RGS9: variants seen among roughly 807,000 people sequenced by gnomAD.
The protein encoded by RGS9 is regulator of G protein signaling 9.
RGS9 carries 78 observed loss-of-function variants against 102.0 expected under a neutral mutation model. The ratio of observed to expected loss-of-function variants is 0.76; its 90% CI spans 0.64 to 0.92. RGS9 has a LOEUF of 0.92. RGS9 is among the 40% of genes least tolerant of loss of function. The probability of loss-of-function intolerance (pLI) is 0.00; values close to 1 mark genes in which losing one functional copy is unlikely to be tolerated. For synonymous variants in RGS9, 353 were observed against 318.6 expected, an observed-to-expected ratio of 1.11 and a Z score of -1.15; for missense variants, 833 against 866.1, an observed-to-expected ratio of 0.96 and a Z score of 0.48.
At chr17:65,151,324 G>A (rs920654040) in intron 1 of RGS9, among the ~76,000 whole-genome samples, 39 of 145,850 alleles carry the variant, frequency 2.7e-4, no homozygotes, top group African/African-American at 9.2e-4. Flanking sequence ...CAGCCTGGGC[G>A]ACAGAGGAAG....
At chr17:65,168,136 G>C (rs770583606) in intron 7 of RGS9, 64 bp from the exon 8 acceptor site, 14 of 1,064,286 alleles carry the variant, frequency 1.3e-5, no homozygotes, top group Admixed American at 1.9e-5. Context: ...TCAGGAATGA[G>C]GGGCATCACT....
At chr17:65,215,478 ATCTTTCTTTCGTTCTTTCGTTCTTTCTT>A (rs1243058354) in intron 17 of RGS9, among the ~76,000 whole-genome samples, 20 of 114,936 alleles carry the variant, frequency 1.7e-4, no homozygotes, top group South Asian at 5.4e-4. Context: ...TTCTTTCTCT[ATCTTTCTTTCGTTCTTTCGTTCTTTCTT>A]TCTTTCTTTC....
chr17:65,153,904 A>C (rs923118582), intron 2 of RGS9, among the ~76,000 whole-genome samples: 4 of 151,654 alleles, frequency 2.6e-5, no homozygotes, highest in Non-Finnish European at 4.4e-5. Flanking sequence ...AAAACAAAAC[A>C]AAACAAAACA....
chr17:65,203,239 C>T (rs1912924523), intron 14 of RGS9, among the ~76,000 whole-genome samples: 2 of 152,152 alleles, frequency 1.3e-5, no homozygotes, highest in African/African-American at 4.8e-5. Flanking sequence ...CCCAGCTCCT[C>T]CCACAGGGAG....
chr17:65,214,756 T>C (rs1913424417), intron 17 of RGS9, among the ~76,000 whole-genome samples: 1 of 152,164 alleles, frequency 6.6e-6, no homozygotes, highest in Non-Finnish European at 1.5e-5. Flanking sequence ...ACAGCTTGCA[T>C]AACCATTTGG....
chr17:65,177,544 G>A (rs1299842360), intron 8 of RGS9, among the ~76,000 whole-genome samples, 188 bp from the exon 9 acceptor site: 1 of 152,152 alleles, frequency 6.6e-6, no homozygotes, highest in South Asian at 2.1e-4. Flanking sequence ...ATACTGGGAG[G>A]CATAACAGCC....
intron 17 of RGS9, 95 bp downstream of exon 17, chr17:65,210,700 G>A: frequency 6.3e-7 from 1 of 1,578,228 alleles, no homozygotes; most frequent in African/African-American, 1.3e-5. Flanking sequence ...GCACTTGGGA[G>A]AGGCAAATGA....
At chr17:65,158,670 T>C in intron 3 of RGS9, 1 of 444,400 alleles carries the variant, frequency 2.3e-6, no homozygotes, top group Non-Finnish European at 4.2e-6. Flanking sequence ...GCTCTGAGGG[T>C]CTTCCTATAA....
rs1912263553 is a variant in RGS9, at chr17:65,189,304, G to A, written c.673G>A (p.Val225Ile). ...KVNQKQTVVA[V>I]KKEIMYYQQA... Reference sequence around the variant, plus strand: ...CTTACAGAAACAAACAGTCGTTGCTGTCAAAAAAGAGGTAATTAGTCTTAC... The same window carrying A: ...CTTACAGAAACAAACAGTCGTTGCTATCAAAAAAGAGGTAATTAGTCTTAC... The change falls in exon 10 of 19, where the codon GTC becomes ATC. Residue 225 changes from valine to isoleucine, a missense_variant. Val to Ile is a conservative substitution (Grantham distance 29, BLOSUM62 3). Coordinates refer to ENST00000262406, the MANE Select transcript of RGS9 (RefSeq NM_003835.4). 6.2e-7 allele frequency: 1 copy of A among 1,611,794 alleles called. No homozygotes were observed. Among genetic ancestry groups the A allele is most frequent in the African/African-American group, 1.3e-5 (1 of 75,000 alleles).
At chr17:65,206,327 G>A (rs1426117107) in intron 15 of RGS9, among the ~76,000 whole-genome samples, 1 of 152,172 alleles carries the variant, frequency 6.6e-6, no homozygotes, top group African/African-American at 2.4e-5. Flanking sequence ...ACGATTCACA[G>A]CAGGGTTTCT....
chr17:65,158,452 A>G (rs1910858651), intron 3 of RGS9, 107 bp downstream of exon 3: 3 of 1,065,556 alleles, frequency 2.8e-6, no homozygotes, highest in South Asian at 1.2e-5. Context: ...TTACATTTTA[A>G]TTGGACAGAC....
chr17:65,160,510 C>G, intron 4 of RGS9, 26 bp from the exon 5 acceptor site: 1 of 1,613,964 alleles, frequency 6.2e-7, no homozygotes, highest in Non-Finnish European at 8.5e-7. Context: ...AGTTTTAAAG[C>G]GTGGTTTCCC....
At chr17:65,158,370 T>A in intron 3 of RGS9, 25 bp downstream of exon 3, 1 of 1,609,388 alleles carries the variant, frequency 6.2e-7, no homozygotes. Context: ...GGCACTCAGT[T>A]ATCCGGGACA....
At chr17:65,214,555 G>A (rs984339625) in intron 17 of RGS9, among the ~76,000 whole-genome samples, 1 of 152,230 alleles carries the variant, frequency 6.6e-6, no homozygotes, top group Non-Finnish European at 1.5e-5. Context: ...AAGGAGAGTA[G>A]GGTGTCATCA....
chr17:65,199,488 CTTTTTTTTTTTTT>C lies in RGS9; in HGVS notation c.976+2260_976+2272del, dbSNP rs3034101. On this transcript the variant is annotated intron_variant, in intron 13 of 18. Transcript: ENST00000262406. Reference sequence around the variant, plus strand: ...TCAGCATATAACAGCGCTTCTGTTCCTTTTTTTTTTTTTTTTTTTTTTTTTGACAAATTCTCAC... The same window carrying C: ...TCAGCATATAACAGCGCTTCTGTTCCTTTTTTTTTTTTGACAAATTCTCAC... 3.3e-4 allele frequency among the ~76,000 whole-genome samples: 36 copies of C among 108,332 alleles called. No individual in the cohort carries two copies. In the South Asian group the frequency reaches 4.2e-3, roughly 13 times the overall value. The allele number at this position is 108,332 out of a possible 152,430, so 71.1% of individuals were successfully genotyped here.
At position 65,227,377 on chromosome 17, in the gene RGS9, G is replaced by A. The variant is rs2144139838; in HGVS notation, c.1995G>A (p.Lys665=). 9.9e-6 allele frequency: 16 copies of A among 1,614,200 alleles called. No individual in the cohort carries two copies. The highest frequency in any genetic ancestry group is 1.4e-5 in the Non-Finnish European group (16 of 1,180,040). Residue 665 remains lysine, a synonymous_variant, in exon 19 of 19, where the codon AAG becomes AAA. Transcript: ENST00000262406. ...AGTCGGGTGACCGGGCCACAGAAAA[G>A]GAGGTCATCTGCCCCTGGGAGAGCC... The part of the protein sequence containing the change: ...TGESGDRATE[K]EVICPWESL
At chr17:65,152,898 C>T (rs910977998) in intron 1 of RGS9, among the ~76,000 whole-genome samples, 5 of 152,222 alleles carry the variant, frequency 3.3e-5, no homozygotes, top group African/African-American at 1.2e-4. Context: ...TCTACCTCTG[C>T]AAACTTCTTC....
At position 65,160,293 on chromosome 17, in the gene RGS9, C is replaced by A. The variant is rs1910930093; in HGVS notation, c.266C>A (p.Pro89His). 1.2e-6 allele frequency: 2 copies of A among 1,614,066 alleles called. No individual in the cohort carries two copies. The highest frequency in any genetic ancestry group is 1.3e-5 in the African/African-American group (1 of 74,924). Reference protein sequence around the residue: ...RYGYIYPLQDPKNLILKPDGS... With the variant: ...RYGYIYPLQDHKNLILKPDGS... ...GGCTACATTTACCCCCTGCAAGACCCCAAGAATCTCATTCTCAAGCCTGAT... is the reference window on the plus strand; with the variant it reads ...GGCTACATTTACCCCCTGCAAGACCACAAGAATCTCATTCTCAAGCCTGAT... Residue 89 changes from proline to histidine, a missense_variant, in exon 4 of 19, where the codon CCC becomes CAC. By Grantham distance (77) the Pro-to-His change is moderately conservative (BLOSUM62 -2). This residue lies in a region of RGS9 where 328 missense variants were observed against 340.6 expected (regional missense o/e 0.96). Coordinates refer to ENST00000262406, the MANE Select transcript of RGS9 (RefSeq NM_003835.4).
intron 17 of RGS9, among the ~76,000 whole-genome samples, chr17:65,216,280 A>T (rs936529004): frequency 6.6e-6 from 1 of 152,198 alleles, no homozygotes; most frequent in Non-Finnish European, 1.5e-5. Flanking sequence ...TTTTTTAAGC[A>T]TTAAATTTTG....
Sources: gnomAD v4.1 joint callset for allele counts (sites outside exome capture counted in the v4.1 genomes callset) on GRCh38, gnomAD v4.1.1 for gene constraint, gnomAD v4.1.1 regional missense constraint, MANE v1.5 for transcripts, NCBI Gene and HGNC (gene_info 2026-07-23, HGNC 2026-07-21) for gene names.